The following AGAP1 variants were observed in gnomAD, a reference collection of about 807,000 sequenced individuals.
AGAP1 encodes the protein arf-GAP with GTPase, ANK repeat and PH domain-containing protein 1.
In AGAP1, 29 loss-of-function variants were observed where a neutral mutation model predicts 105.3. The ratio of observed to expected loss-of-function variants is 0.28; its 90% CI spans 0.21 to 0.38. AGAP1 has a LOEUF of 0.38. Among genes scored for constraint, AGAP1 ranks in the 10% least tolerant of loss-of-function variants. AGAP1 has a pLI of 1.00. For missense variants in AGAP1, 998 were observed against 1,165.1 expected (o/e 0.86, Z 2.09); for synonymous variants, 509 against 485.9 (o/e 1.05, Z -0.63).
chr2:235,905,796 G>T lies in AGAP1; in HGVS notation c.1156-2942G>T, dbSNP rs999649546. 5.3e-5 allele frequency among the ~76,000 whole-genome samples: 8 copies of T among 152,170 alleles called. No individual in the cohort carries two copies. The highest frequency in any genetic ancestry group is 7.4e-5 in the Non-Finnish European group (5 of 68,026). On this transcript the variant is annotated intron_variant, in intron 10 of 17. Coordinates refer to ENST00000304032, the MANE Select transcript of AGAP1 (RefSeq NM_001037131.3). The surrounding 1 kb of genome is among the most constrained non-coding windows in gnomAD (Gnocchi z 4.2). The stretch of plus-strand genomic sequence containing the variant: ...TTACAGGCGTGAGCCACCGCGCCCC[G>T]CCTGATGTGCTTTTCATTTGTCACC...
rs2058694552 is a variant in AGAP1, at chr2:236,078,182, A to G, written c.2114+28901A>G. On this transcript the variant is annotated intron_variant, in intron 16 of 17. Coordinates refer to ENST00000304032, the MANE Select transcript of AGAP1 (RefSeq NM_001037131.3). The surrounding 1 kb of genome is among the most constrained non-coding windows in gnomAD (Gnocchi z 5.3). Reference sequence around the variant, plus strand: ...TGTGTGTGTGTGTGTGTGTATATGTATGTGTGTGTGTCACATCTGAAGTGT... The same window carrying G: ...TGTGTGTGTGTGTGTGTGTATATGTGTGTGTGTGTGTCACATCTGAAGTGT... 6.7e-6 allele frequency among the ~76,000 whole-genome samples: 1 copy of G among 148,750 alleles called. No individual in the cohort carries two copies. Among genetic ancestry groups the G allele is most frequent in the Non-Finnish European group, 1.5e-5 (1 of 67,322 alleles).
chr2:235,790,435 C>T (rs1227536420), intron 6 of AGAP1, among the ~76,000 whole-genome samples: 1 of 152,014 alleles, frequency 6.6e-6, no homozygotes, highest in African/African-American at 2.4e-5. Flanking sequence ...GAGTTCAGCC[C>T]CTGAGGCTCT....
intron 11 of AGAP1, among the ~76,000 whole-genome samples, chr2:235,928,773 C>T (rs576111876): frequency 6.6e-6 from 1 of 152,312 alleles, no homozygotes; most frequent in Non-Finnish European, 1.5e-5. Context: ...CAGAGGACAG[C>T]CACAGGGTGG....
intron 11 of AGAP1, among the ~76,000 whole-genome samples, chr2:235,922,229 T>C (rs938980479): frequency 3.3e-5 from 5 of 152,220 alleles, no homozygotes; most frequent in African/African-American, 1.2e-4. Flanking sequence ...GGGTGAAGGC[T>C]CCATAGGGGA....
At position 235,959,718 on chromosome 2, in the gene AGAP1, C is replaced by T. The variant is rs185819288; in HGVS notation, c.1484-8744C>T. ...CATGATGGCCACTCCCTCGTGTAGC[C>T]GGTTCCCCTGCTGCTGCAGCCGGGC... On this transcript the variant is annotated intron_variant, in intron 12 of 17. Transcript: ENST00000304032. This position sits in a 1 kb window ranked among gnomAD's most constrained non-coding sequence, Gnocchi z 7.3. Among the ~76,000 whole-genome samples, 1,758 of 152,290 alleles carry T rather than the reference C, an allele frequency of 0.012. 15 individuals are homozygous for T. Among genetic ancestry groups the T allele is most frequent in the Middle Eastern group, 0.027 (8 of 292 alleles).
In AGAP1 at chr2:236,095,264, G is replaced by C. The variant is rs1322619003; in HGVS notation, c.2115-24928G>C. Among the ~76,000 whole-genome samples the C allele has an allele frequency of 6.6e-6, 1 of 152,126 alleles. No individual in the cohort carries two copies. The highest frequency in any genetic ancestry group is 1.5e-5 in the Non-Finnish European group (1 of 68,032). ...AGTTAAAAATTAGCCAGGCGTGGTT[G>C]CATGCACCTGTGGTCCCAGCTACTC... On this transcript the variant is annotated intron_variant, in intron 16 of 17. Coordinates refer to ENST00000304032, the MANE Select transcript of AGAP1 (RefSeq NM_001037131.3). The surrounding 1 kb of genome is among the most constrained non-coding windows in gnomAD (Gnocchi z 4.1).
At chr2:235,698,080 A>G (rs1950078956) in intron 1 of AGAP1, among the ~76,000 whole-genome samples, 1 of 152,064 alleles carries the variant, frequency 6.6e-6, no homozygotes, top group Admixed American at 6.6e-5. Context: ...TTTGGGATGA[A>G]ACTGTTCCAG....
At chr2:236,100,697 G>T (rs1553571910) in intron 16 of AGAP1, among the ~76,000 whole-genome samples, 1 of 152,154 alleles carries the variant, frequency 6.6e-6, no homozygotes, top group East Asian at 1.9e-4. Flanking sequence ...ACGTGGTGTG[G>T]TGCACACCCA....
chr2:236,095,104 T>G lies in AGAP1; in HGVS notation c.2115-25088T>G, dbSNP rs1221993440. On this transcript the variant is annotated intron_variant, in intron 16 of 17. Transcript: ENST00000304032. This position sits in a 1 kb window ranked among gnomAD's most constrained non-coding sequence, Gnocchi z 4.1. ...AGAGTGAGACACTGTCTCAAAAAAG[T>G]TGTGGGGGCAGGGCAGGCGTGGTGG... Among the ~76,000 whole-genome samples the G allele has an allele frequency of 1.3e-5, 2 of 149,652 alleles. No individual in the cohort carries two copies. Among genetic ancestry groups the G allele is most frequent in the African/African-American group, 2.5e-5 (1 of 40,392 alleles).
intron 9 of AGAP1, among the ~76,000 whole-genome samples, chr2:235,815,049 T>C (rs1958371846): frequency 6.6e-6 from 1 of 152,124 alleles, no homozygotes; most frequent in South Asian, 2.1e-4. Flanking sequence ...TGACCACTTT[T>C]CCGAGTGCCC....
chr2:236,067,639 A>C (rs2125782361), intron 16 of AGAP1, among the ~76,000 whole-genome samples: 1 of 152,340 alleles, frequency 6.6e-6, no homozygotes, highest in South Asian at 2.1e-4. Context: ...ACTATGCGCT[A>C]GATGATGTGG....
chr2:236,070,799 G>A (rs1442688944), intron 16 of AGAP1, among the ~76,000 whole-genome samples: 6 of 152,160 alleles, frequency 3.9e-5, no homozygotes, highest in African/African-American at 1.4e-4. Context: ...TCAGGGGGAT[G>A]GGCAGTGCTT....
chr2:235,647,449 G>A (rs1947429854), intron 1 of AGAP1, among the ~76,000 whole-genome samples: 1 of 152,098 alleles, frequency 6.6e-6, no homozygotes, highest in Non-Finnish European at 1.5e-5. Context: ...GTGCAGTGGT[G>A]CAGTCATAGC....
At chr2:235,758,036 C>A (rs1209763716) in intron 6 of AGAP1, among the ~76,000 whole-genome samples, 1 of 152,128 alleles carries the variant, frequency 6.6e-6, no homozygotes, top group Non-Finnish European at 1.5e-5. Flanking sequence ...TTCCTGAAAT[C>A]AGCTTAATTT....
rs1204574730 is a variant in AGAP1, at chr2:235,729,059, G to C, written c.310+11415G>C. On this transcript the variant is annotated intron_variant, in intron 3 of 17. Coordinates refer to ENST00000304032, the MANE Select transcript of AGAP1 (RefSeq NM_001037131.3). The surrounding 1 kb of genome is among the most constrained non-coding windows in gnomAD (Gnocchi z 5.0). ...GGCATGATAAGAGTCAGAGTGGCTGGGCTCCAGGGCTCCAGCCAGGCTATT... is the reference window on the plus strand; with the variant it reads ...GGCATGATAAGAGTCAGAGTGGCTGCGCTCCAGGGCTCCAGCCAGGCTATT... 6.6e-6 allele frequency among the ~76,000 whole-genome samples: 1 copy of C among 152,094 alleles called. No homozygotes were observed.
Position 235,737,646 on chromosome 2 carries a change from G to A in AGAP1, c.311-3317G>A, listed in dbSNP as rs534612332. ...AAAGGAGAGGATGGACGTGAAATCC[G>A]TCCTATGCATGCTCACCTGACATGC... On this transcript the variant is annotated intron_variant, in intron 3 of 17. Transcript: ENST00000304032. The surrounding 1 kb of genome is among the most constrained non-coding windows in gnomAD (Gnocchi z 4.5). Among the ~76,000 whole-genome samples, 5 of 152,284 alleles carry A rather than the reference G, an allele frequency of 3.3e-5. No homozygotes were observed. The South Asian group carries it at 6.2e-4, about 19-fold the overall frequency.
At chr2:236,097,756 G>A (rs1009061988) in intron 16 of AGAP1, among the ~76,000 whole-genome samples, 4 of 152,032 alleles carry the variant, frequency 2.6e-5, no homozygotes, top group African/African-American at 7.2e-5. Context: ...CAACCATCAC[G>A]ACCATCCATC....
At chr2:235,499,342 G>T (rs1224500360) in intron 1 of AGAP1, among the ~76,000 whole-genome samples, 2 of 152,194 alleles carry the variant, frequency 1.3e-5, no homozygotes, top group Non-Finnish European at 2.9e-5. Context: ...AGAAGCATTT[G>T]TTTTCATGTG....
At chr2:236,030,508 C>A (rs1215247128) in intron 13 of AGAP1, among the ~76,000 whole-genome samples, 2 of 152,220 alleles carry the variant, frequency 1.3e-5, no homozygotes, top group Non-Finnish European at 2.9e-5. Flanking sequence ...AGGTGCTGGA[C>A]CCTGGGTTTA....
Sources: allele counts gnomAD v4.1 joint callset (sites outside exome capture counted in the v4.1 genomes callset), GRCh38; gene constraint gnomAD v4.1.1; non-coding constraint Gnocchi (gnomAD v3.1); transcripts MANE v1.5; gene names NCBI Gene and HGNC (gene_info 2026-07-23, HGNC 2026-07-21).